JAZF1: variants seen among roughly 807,000 people sequenced by gnomAD.
JAZF1 encodes JAZF zinc finger 1, also known as juxtaposed with another zinc finger protein 1.
In JAZF1, 8 loss-of-function variants were observed where a neutral mutation model predicts 26.4. That is an observed-to-expected ratio of 0.30 (90% CI 0.18 to 0.55). The LOEUF is 0.55. JAZF1 is among the 20% of genes least tolerant of loss of function. JAZF1 has a pLI of 0.94. For synonymous variants in JAZF1, 126 were observed against 122.3 expected (o/e 1.03, Z -0.20); for missense variants, 199 against 322.0 (o/e 0.62, Z 2.92).
chr7:27,989,999 G>A (rs1201623692), intron 2 of JAZF1, among the ~76,000 whole-genome samples: 2 of 152,108 alleles, frequency 1.3e-5, no homozygotes, highest in Admixed American at 6.5e-5. Flanking sequence ...GTTTATTGTG[G>A]CACTATTCAC....
At position 27,991,830 on chromosome 7, in the gene JAZF1, TC is replaced by T; in HGVS notation, c.188+78del. ...TTTAAGACTGAAAACATTTTTCCAC[TC>T]TGTTAAAAAAGATGTGTTTAAAAAG... is the stretch of plus-strand genomic sequence containing the variant. On this transcript the variant is annotated intron_variant, in intron 2 of 4. Coordinates refer to ENST00000283928, the MANE Select transcript of JAZF1 (RefSeq NM_175061.4). 10 of 797,250 alleles carry T rather than the reference TC, an allele frequency of 1.3e-5. No individual in the cohort carries two copies. The South Asian group carries it at 1.7e-4, about 13-fold the overall frequency. 49.4% of individuals were successfully genotyped at this position (797,250 alleles called of 1,614,324 possible). A position where few individuals can be genotyped will look rare whatever the true frequency, so the allele number is the denominator to read the frequency against.
intron 4 of JAZF1, among the ~76,000 whole-genome samples, chr7:27,835,110 G>T (rs945866418): frequency 2.0e-5 from 3 of 152,144 alleles, no homozygotes; most frequent in Non-Finnish European, 4.4e-5. Context: ...TGGGGAACTT[G>T]ATGCAGGACA....
At chr7:28,161,065 T>C (rs1403447004) in intron 1 of JAZF1, among the ~76,000 whole-genome samples, 1 of 152,068 alleles carries the variant, frequency 6.6e-6, no homozygotes, top group Admixed American at 6.5e-5. Flanking sequence ...ATTTAAGCAC[T>C]CTGTAGCTCA....
chr7:27,928,817 C>G (rs1203028636), intron 2 of JAZF1, among the ~76,000 whole-genome samples: 2 of 152,092 alleles, frequency 1.3e-5, no homozygotes, highest in Admixed American at 1.3e-4. Flanking sequence ...GGGAGAGGAT[C>G]AGGAAAAATA....
chr7:28,004,762 C>T (rs377261012), intron 1 of JAZF1, among the ~76,000 whole-genome samples: 5 of 152,242 alleles, frequency 3.3e-5, no homozygotes, highest in African/African-American at 7.2e-5. Context: ...AAGTGATTCT[C>T]GTGCCTTGGT....
intron 3 of JAZF1, among the ~76,000 whole-genome samples, chr7:27,876,115 C>A (rs139263838): frequency 2.8e-4 from 43 of 152,276 alleles, no homozygotes; most frequent in Middle Eastern, 3.4e-3. Context: ...CCTGGTTAGC[C>A]AAGTGCCCAG....
At chr7:28,138,420 C>T (rs1452355379) in intron 1 of JAZF1, among the ~76,000 whole-genome samples, 2 of 152,204 alleles carry the variant, frequency 1.3e-5, no homozygotes, top group Non-Finnish European at 2.9e-5. Flanking sequence ...TATGGAGAAG[C>T]TTCAGCATTG....
At chr7:28,074,484 T>C (rs1019794273) in intron 1 of JAZF1, among the ~76,000 whole-genome samples, 1 of 152,028 alleles carries the variant, frequency 6.6e-6, no homozygotes, top group Admixed American at 6.6e-5. Context: ...GAAACAGAAA[T>C]ACACATATGT....
intron 1 of JAZF1, among the ~76,000 whole-genome samples, chr7:28,019,634 G>A (rs1008675858): frequency 6.6e-6 from 1 of 151,850 alleles, no homozygotes; most frequent in Non-Finnish European, 1.5e-5. Flanking sequence ...CCCCCTCCTT[G>A]ACTTTATTTA....
chr7:28,110,516 A>G, intron 1 of JAZF1, among the ~76,000 whole-genome samples: 1 of 58,760 alleles, frequency 1.7e-5, no homozygotes, highest in Non-Finnish European at 2.7e-5. Context: ...AAGGAAAGGA[A>G]AAGGAAAAGG....
At chr7:28,077,667 C>A (rs1390504127) in intron 1 of JAZF1, among the ~76,000 whole-genome samples, 2 of 152,128 alleles carry the variant, frequency 1.3e-5, no homozygotes, top group African/African-American at 4.8e-5. Context: ...TGCAGGCCAC[C>A]CAGTGTTAGG....
chr7:27,963,390 T>A (rs1785216248), intron 2 of JAZF1, among the ~76,000 whole-genome samples: 1 of 152,202 alleles, frequency 6.6e-6, no homozygotes, highest in South Asian at 2.1e-4. Flanking sequence ...CTCTTTTATT[T>A]CATTCCAAAT....
At chr7:28,013,395 A>C (rs1419131032) in intron 1 of JAZF1, among the ~76,000 whole-genome samples, 1 of 152,130 alleles carries the variant, frequency 6.6e-6, no homozygotes, top group East Asian at 1.9e-4. Context: ...AGGGCCATTC[A>C]GGATGGCCTC....
intron 1 of JAZF1, among the ~76,000 whole-genome samples, chr7:28,147,492 AT>A (rs10622246): frequency 6.5e-4 from 97 of 148,986 alleles, no homozygotes; most frequent in African/African-American, 2.1e-3. Context: ...AGTAAAAACA[AT>A]TTTTTTTTTT....
At chr7:28,056,119 G>T (rs1039033078) in intron 1 of JAZF1, among the ~76,000 whole-genome samples, 5 of 151,856 alleles carry the variant, frequency 3.3e-5, no homozygotes, top group African/African-American at 1.2e-4. Context: ...CAGTGCAGGG[G>T]CTCCATAAAT....
rs189572939 is a variant in JAZF1, at chr7:28,024,763, T to G, written c.116-32782A>C. Among the ~76,000 whole-genome samples, 4 of 152,350 alleles carry G rather than the reference T, an allele frequency of 2.6e-5. No individual in the cohort carries two copies. In the East Asian group the frequency reaches 7.7e-4, roughly 29 times the overall value. ...TCACTTTCTGTCATCTGACATGCCA[T>G]GCCCTGAGCCTGCAACTTGAGAGAT... On this transcript the variant is annotated intron_variant, in intron 1 of 4. Transcript: ENST00000283928.
chr7:28,041,012 G>A (rs1783380820), intron 1 of JAZF1, among the ~76,000 whole-genome samples: 1 of 152,086 alleles, frequency 6.6e-6, no homozygotes, highest in Non-Finnish European at 1.5e-5. Context: ...CTATTACATA[G>A]ATAACACAGT....
intron 2 of JAZF1, among the ~76,000 whole-genome samples, chr7:27,988,993 C>T (rs1206600918): frequency 6.8e-6 from 1 of 147,502 alleles, no homozygotes; most frequent in East Asian, 2.0e-4. Context: ...CAATCCTAAG[C>T]CAAAACAACA....
intron 2 of JAZF1, among the ~76,000 whole-genome samples, chr7:27,964,510 G>T (rs1171734786): frequency 1.3e-5 from 2 of 151,738 alleles, no homozygotes; most frequent in Non-Finnish European, 2.9e-5. Context: ...AAATTAGAAT[G>T]GGACTCAAAA....
Sources: allele counts gnomAD v4.1 joint callset (sites outside exome capture counted in the v4.1 genomes callset), GRCh38; gene constraint gnomAD v4.1.1; transcripts MANE v1.5; gene names NCBI Gene and HGNC (gene_info 2026-07-23, HGNC 2026-07-21).